OPRM1: variants seen among roughly 807,000 people sequenced by gnomAD.
OPRM1 encodes opioid receptor mu 1.
In OPRM1, 27 loss-of-function variants were observed where a neutral mutation model predicts 31.8. The ratio of observed to expected loss-of-function variants is 0.85; its 90% confidence interval spans 0.63 to 1.17. OPRM1 has a LOEUF of 1.17. Ranked by LOEUF, OPRM1 falls within the 50% of genes most tolerant of loss-of-function variation. The pLI is 0.00. For synonymous variants in OPRM1, 196 were observed against 189.9 expected, an observed-to-expected ratio of 1.03 and a Z score of -0.26; for missense variants, 536 against 511.1, an observed-to-expected ratio of 1.05 and a Z score of -0.47.
chr6:154,035,407 A>G (rs568056902), upstream of OPRM1, among the ~76,000 whole-genome samples: 2 of 152,288 alleles, frequency 1.3e-5, no homozygotes, highest in African/African-American at 4.8e-5. Flanking sequence ...ATATTGTATC[A>G]CAATGCATTT....
At chr6:154,113,960 G>T (rs1315648670) in intron 3 of OPRM1, among the ~76,000 whole-genome samples, 3 of 152,142 alleles carry the variant, frequency 2.0e-5, no homozygotes, top group Non-Finnish European at 4.4e-5. Flanking sequence ...AGTGAGTCCA[G>T]GATGCCAAGG....
At chr6:154,194,788 A>G (rs1342342764) in intron 3 of OPRM1, among the ~76,000 whole-genome samples, 3 of 149,552 alleles carry the variant, frequency 2.0e-5, no homozygotes, top group African/African-American at 7.6e-5. Flanking sequence ...GACAACTCAT[A>G]GAGATCTTTA....
chr6:154,146,901 T>G (rs1798372288), intron 3 of OPRM1, among the ~76,000 whole-genome samples: 1 of 151,688 alleles, frequency 6.6e-6, no homozygotes, highest in African/African-American at 2.4e-5. Flanking sequence ...GAAAGGAGGG[T>G]GGGGCGTGGG....
At chr6:154,097,993 G>A (rs2128495783) in intron 3 of OPRM1, among the ~76,000 whole-genome samples, 1 of 152,292 alleles carries the variant, frequency 6.6e-6, no homozygotes, top group Non-Finnish European at 1.5e-5. Flanking sequence ...ACTTTGGGAG[G>A]CCAAGGCAGG....
intron 1 of OPRM1, among the ~76,000 whole-genome samples, chr6:154,072,725 T>G (rs2128456270): frequency 6.6e-6 from 1 of 152,362 alleles, no homozygotes; most frequent in South Asian, 2.1e-4. Flanking sequence ...TTCTCTGCCA[T>G]TTTGAACCAA....
intron 3 of OPRM1, among the ~76,000 whole-genome samples, chr6:154,183,668 G>T (rs1326639028): frequency 6.6e-6 from 1 of 152,082 alleles, no homozygotes; most frequent in African/African-American, 2.4e-5. Context: ...TGAGGCCGAG[G>T]CAGGCAGATC....
chr6:154,043,247 G>A (rs1400250381), intron 1 of OPRM1, among the ~76,000 whole-genome samples: 5 of 152,112 alleles, frequency 3.3e-5, no homozygotes, highest in African/African-American at 7.2e-5. Context: ...TCTTAATGTG[G>A]TTAGATAAAT....
chr6:154,199,802 A>C, intron 3 of OPRM1: 2 of 1,614,224 alleles, frequency 1.2e-6, no homozygotes, highest in South Asian at 2.2e-5. Flanking sequence ...ACTGTTTTCC[A>C]GGGCCTTGTG....
At chr6:154,030,871 T>G (rs1389910265) in intron 1 of OPRM1, among the ~76,000 whole-genome samples, 1 of 152,218 alleles carries the variant, frequency 6.6e-6, no homozygotes, top group Non-Finnish European at 1.5e-5. Flanking sequence ...ATACATGGAC[T>G]GCTTTCATTG....
At chr6:154,057,238 C>T (rs1057421725) in intron 1 of OPRM1, among the ~76,000 whole-genome samples, 5 of 152,130 alleles carry the variant, frequency 3.3e-5, no homozygotes, top group South Asian at 2.1e-4. Context: ...ACATGAACTA[C>T]GTTTGTTGAG....
intron 3 of OPRM1, among the ~76,000 whole-genome samples, chr6:154,245,438 C>T (rs1255699339): frequency 2.6e-5 from 4 of 152,072 alleles, no homozygotes; most frequent in African/African-American, 9.7e-5. Context: ...CTGGTTTAAC[C>T]AAATCTTTAA....
At chr6:154,036,631 A>T (rs141744887), upstream of OPRM1, among the ~76,000 whole-genome samples, 116 of 152,106 alleles carry the variant, frequency 7.6e-4, 1 homozygote, top group Middle Eastern at 6.8e-3. Flanking sequence ...TGGTTGACAG[A>T]CTATATTGAG....
chr6:154,118,862 G>A lies in OPRM1; in HGVS notation c.*141G>A. On this transcript the variant is annotated 3_prime_UTR_variant, in exon 4 of 4. Transcript: ENST00000330432. ...AGGTCATCCAACCTCTTTCCTCTCT[G>A]GCCACTCTGCTCTGCACATTAGAGG... 6.7e-7 allele frequency: 1 copy of A among 1,500,804 alleles called. No individual in the cohort carries two copies. The highest frequency in any genetic ancestry group is 1.4e-5 in the South Asian group (1 of 73,930). 93.0% of individuals were successfully genotyped at this position (1,500,804 alleles called of 1,614,324 possible).
upstream of OPRM1, chr6:154,039,081 C>T (rs1779505498): frequency 1.4e-6 from 2 of 1,440,452 alleles, no homozygotes; most frequent in African/African-American, 2.9e-5. Flanking sequence ...GTGATGTTAG[C>T]CCCCTTTCTT....
Position 154,217,491 on chromosome 6 carries a change from C to T in OPRM1, c.1165-29202C>T, listed in dbSNP as rs1005440474. Reference sequence around the variant, plus strand: ...AAGAAACAAAAGCTCATGGCACGAGCATCGATTCAGCATAAAATAAATGCA... The same window carrying T: ...AAGAAACAAAAGCTCATGGCACGAGTATCGATTCAGCATAAAATAAATGCA... On this transcript the variant is annotated intron_variant, in intron 3 of 3. Coordinates refer to the OPRM1 transcript ENST00000337049. 3 of 150,652 alleles carry T rather than the reference C, an allele frequency of 2.0e-5. No homozygotes were observed. The East Asian group carries it at 5.8e-4, about 29-fold the overall frequency. The allele number at this position is 150,652 out of a possible 1,614,324, so 9.3% of individuals were successfully genotyped here.
intron 3 of OPRM1, among the ~76,000 whole-genome samples, chr6:154,243,680 G>A (rs116678288): frequency 3.9e-4 from 59 of 152,326 alleles, no homozygotes; most frequent in Non-Finnish European, 6.6e-4. Flanking sequence ...AAACAGGGTG[G>A]TCTTAATTGT....
At chr6:154,100,270 C>CATATTATGACATATATCATAATATATATT (rs1794611172) in intron 3 of OPRM1, among the ~76,000 whole-genome samples, 2 of 147,498 alleles carry the variant, frequency 1.4e-5, no homozygotes, top group Admixed American at 6.8e-5. Flanking sequence ...TATATATTAT[C>CATATTATGACATATATCATAATATATATT]ATATTATGAC....
At position 154,128,971 on chromosome 6, in the gene OPRM1, T is replaced by C. The variant is rs1797740528; in HGVS notation, c.*10250T>C. Among the ~76,000 whole-genome samples, 1 of 152,200 alleles carries C rather than the reference T, an allele frequency of 6.6e-6. No homozygotes were observed. The highest frequency in any genetic ancestry group is 2.1e-4 in the South Asian group (1 of 4,830). On this transcript the variant is annotated 3_prime_UTR_variant, in exon 4 of 4. Coordinates refer to ENST00000330432, the MANE Select transcript of OPRM1 (RefSeq NM_000914.5). ...AAGAGAATAGGAGTTTTAACTTATA[T>C]CTGTGTTTTATTAATATTTTGAAGT...
Position 154,128,857 on chromosome 6 carries a change from G to A in OPRM1, c.*10136G>A, listed in dbSNP as rs1797733450. On this transcript the variant is annotated 3_prime_UTR_variant, in exon 4 of 4. Transcript: ENST00000330432. ...TATTGTTTCTTCTAGCTCTGTTTTT[G>A]CATAGTGCACAGAGATCTTTGTAAA... Among the ~76,000 whole-genome samples the A allele has an allele frequency of 6.6e-6, 1 of 152,166 alleles. No individual in the cohort carries two copies. The highest frequency in any genetic ancestry group is 2.1e-4 in the South Asian group (1 of 4,826).
Sources: gnomAD v4.1 joint callset for allele counts (sites outside exome capture counted in the v4.1 genomes callset) on GRCh38, gnomAD v4.1.1 for gene constraint, MANE v1.5 for transcripts, NCBI Gene and HGNC (gene_info 2026-07-23, HGNC 2026-07-21) for gene names.